Variants in RAPSN observed in about 807,000 individuals in gnomAD.
RAPSN encodes the protein 43 kDa receptor-associated protein of the synapse.
Under a neutral mutation model 45.7 loss-of-function variants are expected in RAPSN, and 33 were observed. The observed-to-expected ratio is 0.72, with a 90% CI of 0.55 to 0.97. RAPSN has a LOEUF of 0.97. Among genes scored for constraint, RAPSN ranks in the 50% least tolerant of loss-of-function variants. The pLI is 0.00. For synonymous variants in RAPSN, 244 were observed against 233.6 expected, an observed-to-expected ratio of 1.04 and a Z score of -0.40; for missense variants, 519 against 559.4, an observed-to-expected ratio of 0.93 and a Z score of 0.73.
Position 47,447,993 on chromosome 11 carries a change from G to C in RAPSN, c.350C>G (p.Ala117Gly). ...GACCTGGCCTCCGAGCTGGGCACCT[G>C]CCCTGGTACCAGGCAGCCCAAGGCA... ...KTCLGLPGTR[A>G]GAQLGGQVSL... The change falls in exon 2 of 8, where the codon GCA becomes GGA. Residue 117 changes from alanine (A) to glycine (G), a missense_variant. Ala to Gly is a moderately conservative substitution (Grantham distance 60). Coordinates refer to ENST00000298854, the MANE Select transcript of RAPSN (RefSeq NM_005055.5). 3 of 1,613,906 alleles carry C rather than the reference G, an allele frequency of 1.9e-6. No homozygotes were observed. The highest frequency in any genetic ancestry group is 2.5e-6 in the Non-Finnish European group (3 of 1,179,994).
In RAPSN at chr11:47,437,960, G is replaced by C; in HGVS notation, c.*15C>G. On this transcript the variant is annotated 3_prime_UTR_variant, in exon 8 of 8. Transcript: ENST00000298854. ...CAGGAGTGGCGAGGAGGAAGCCCACGCCTGCTGCCAGGAGTCATACAAAGC... is the reference window on the plus strand; with the variant it reads ...CAGGAGTGGCGAGGAGGAAGCCCACCCCTGCTGCCAGGAGTCATACAAAGC... 1 of 1,550,906 alleles carries C rather than the reference G, an allele frequency of 6.4e-7. No homozygotes were observed. Among genetic ancestry groups the C allele is most frequent in the Non-Finnish European group, 8.7e-7 (1 of 1,146,936 alleles).
chr11:47,442,483 A>T (rs1003432180), intron 3 of RAPSN, among the ~76,000 whole-genome samples, 173 bp downstream of exon 3: 1 of 152,240 alleles, frequency 6.6e-6, no homozygotes, highest in Non-Finnish European at 1.5e-5. Context: ...CGTCTCTACA[A>T]AAATAAAATT....
At position 47,442,799 on chromosome 11, in the gene RAPSN, G is replaced by C. The variant is rs1292724179; in HGVS notation, c.547C>G (p.Leu183Val). 1 of 1,614,080 alleles carries C rather than the reference G, an allele frequency of 6.2e-7. No homozygotes were observed. Among genetic ancestry groups the C allele is most frequent in the East Asian group, 2.2e-5 (1 of 44,900 alleles). ...TCTGCCGCCTTGCAGGGGAAGAACA[G>C]GGCTTTCTCGTAGTCCTGCAGGGGA... ...YAQVKDYEKA[L>V]FFPCKAAELV... The change falls in exon 3 of 8, where the codon CTG (leucine) becomes GTG (valine). Residue 183 changes from leucine (L) to valine (V), a missense_variant. Transcript: ENST00000298854.
At chr11:47,440,383 T>TCCTCCCACCTCAG (rs2076353344) in intron 6 of RAPSN, among the ~76,000 whole-genome samples, 1 of 152,206 alleles carries the variant, frequency 6.6e-6, no homozygotes, top group African/African-American at 2.4e-5. Context: ...GCTCAAGCTA[T>TCCTCCCACCTCAG]CCTCCCACCT....
Position 47,448,254 on chromosome 11 carries a change from C to T in RAPSN, c.193-104G>A, listed in dbSNP as rs182385138. The T allele has an allele frequency of 9.4e-5, 113 of 1,196,436 alleles. No individual in the cohort carries two copies. In the African/African-American group the frequency reaches 1.5e-3, roughly 16 times the overall value. The allele number at this position is 1,196,436 out of a possible 1,614,324, so 74.1% of individuals were successfully genotyped here. ...ACCTGGAGGCCCCACACCCACCCCC[C>T]AGCCTCACACCCAAAGCAGCAGATC... On this transcript the variant is annotated intron_variant, in intron 1 of 7. Transcript: ENST00000298854.
At chr11:47,440,074 C>T (rs1247151926) in intron 6 of RAPSN, among the ~76,000 whole-genome samples, 3 of 152,102 alleles carry the variant, frequency 2.0e-5, no homozygotes, top group Non-Finnish European at 4.4e-5. Context: ...CACTAGATAC[C>T]ATTATTAAAT....
chr11:47,448,701 G>A, intron 1 of RAPSN, 72 bp downstream of exon 1: 4 of 1,582,802 alleles, frequency 2.5e-6, no homozygotes, highest in East Asian at 2.2e-5. Flanking sequence ...GAGGCCGAGA[G>A]GGGACTGGGG....
Position 47,442,636 on chromosome 11 carries a change from C to T in RAPSN, c.690+20G>A, listed in dbSNP as rs1306900027. 1 of 1,612,952 alleles carries T rather than the reference C, an allele frequency of 6.2e-7. No homozygotes were observed. The highest frequency in any genetic ancestry group is 8.5e-7 in the Non-Finnish European group (1 of 1,179,646). On this transcript the variant is annotated intron_variant, in intron 3 of 7. Transcript: ENST00000298854. The stretch of plus-strand genomic sequence containing the variant: ...CCACACCACCTCATCCCCGACCTGC[C>T]CCCTTCCCCGCTGCCCCACCTCACA...
At chr11:47,442,403 G>A (rs1038439871) in intron 3 of RAPSN, among the ~76,000 whole-genome samples, 2 of 152,184 alleles carry the variant, frequency 1.3e-5, no homozygotes, top group Admixed American at 1.3e-4. Flanking sequence ...CTCATGCCTG[G>A]AATCCCAGCA....
chr11:47,442,432 C>T (rs2076372707), intron 3 of RAPSN, among the ~76,000 whole-genome samples: 2 of 152,188 alleles, frequency 1.3e-5, no homozygotes, highest in Admixed American at 6.5e-5. Context: ...GGCCAAGACA[C>T]GAGGATCGCT....
At chr11:47,448,697 G>A (rs1056717047) in intron 1 of RAPSN, 76 bp downstream of exon 1, 8 of 1,576,346 alleles carry the variant, frequency 5.1e-6, no homozygotes, top group Admixed American at 1.7e-5. Context: ...CGAGGAGGCC[G>A]AGAGGGGACT....
In RAPSN at chr11:47,449,058, C is replaced by A; in HGVS notation, c.-94G>T. The A allele has an allele frequency of 6.7e-7, 1 of 1,490,992 alleles. No individual in the cohort carries two copies. The highest frequency in any genetic ancestry group is 1.1e-5 in the South Asian group (1 of 88,140). 92.4% of individuals were successfully genotyped at this position (1,490,992 alleles called of 1,614,324 possible). On this transcript the variant is annotated 5_prime_UTR_variant, in exon 1 of 8. Transcript: ENST00000298854. ...CAGGAATCACAGTGCCAGCTGCCCCCCGAAACGTGGGAACAAAAGCAGCGT... is the reference window on the plus strand; with the variant it reads ...CAGGAATCACAGTGCCAGCTGCCCCACGAAACGTGGGAACAAAAGCAGCGT...
intron 6 of RAPSN, among the ~76,000 whole-genome samples, chr11:47,439,213 C>T (rs879310994): frequency 6.6e-6 from 1 of 152,220 alleles, no homozygotes; most frequent in Non-Finnish European, 1.5e-5. Flanking sequence ...GTGGCTCATG[C>T]CTGTAATCCC....
intron 6 of RAPSN, among the ~76,000 whole-genome samples, chr11:47,440,656 G>A (rs1050216075): frequency 5.5e-4 from 84 of 152,226 alleles, no homozygotes; most frequent in African/African-American, 2.0e-3. Context: ...GCTGAAGCAG[G>A]AGAATCACTT....
chr11:47,447,145 T>C (rs2076412823), intron 2 of RAPSN, among the ~76,000 whole-genome samples: 1 of 152,094 alleles, frequency 6.6e-6, no homozygotes, highest in Non-Finnish European at 1.5e-5. Context: ...TCTCACCAGA[T>C]TTTTGCATGG....
chr11:47,445,087 G>C (rs915552389), intron 2 of RAPSN, among the ~76,000 whole-genome samples: 1 of 149,544 alleles, frequency 6.7e-6, no homozygotes, highest in African/African-American at 2.5e-5. Context: ...AAAAATTAGC[G>C]GGGCGTGGTG....
chr11:47,445,476 G>A (rs1219203005), intron 2 of RAPSN, among the ~76,000 whole-genome samples: 1 of 150,160 alleles, frequency 6.7e-6, no homozygotes. Flanking sequence ...TGTGCCGGTA[G>A]TCCCAGCTAC....
At chr11:47,440,338 A>G (rs1453954246) in intron 6 of RAPSN, among the ~76,000 whole-genome samples, 2 of 152,016 alleles carry the variant, frequency 1.3e-5, no homozygotes, top group Non-Finnish European at 2.9e-5. Context: ...AGTGCAGTGG[A>G]GCAATCACAG....
rs747627949 is a variant in RAPSN, at chr11:47,448,906, T to A, written c.59A>T (p.Asn20Ile). ...IEKGLQLYQS[N>I]QTEKALQVWT... is the part of the protein sequence containing the mutation. The stretch of plus-strand genomic sequence containing the variant: ...CACCTGCAATGCCTTCTCTGTCTGG[T>A]TGGACTGGTACAGCTGGAGCCCCTT... The change falls in exon 1 of 8, where the codon AAC becomes ATC. Residue 20 changes from asparagine to isoleucine, a missense_variant. Coordinates refer to ENST00000298854, the MANE Select transcript of RAPSN (RefSeq NM_005055.5). 1.2e-6 allele frequency: 2 copies of A among 1,614,100 alleles called. No individual in the cohort carries two copies. The highest frequency in any genetic ancestry group is 2.7e-5 in the African/African-American group (2 of 74,942).
Sources: allele counts gnomAD v4.1 joint callset (sites outside exome capture counted in the v4.1 genomes callset), GRCh38; gene constraint gnomAD v4.1.1; transcripts MANE v1.5; gene names NCBI Gene and HGNC (gene_info 2026-07-23, HGNC 2026-07-21).